Variants in PEX1 observed in about 807,000 individuals in gnomAD.
PEX1 encodes the protein peroxisomal biogenesis factor 1, also known as peroxisomal ATPase PEX1.
PEX1 carries 97 observed loss-of-function variants against 152.5 expected under a neutral mutation model. That is an observed-to-expected ratio of 0.64 (90% CI 0.54 to 0.75). The LOEUF (loss-of-function observed/expected upper bound fraction) is 0.75, where lower values mean the gene tolerates loss of function less well. Among genes scored for constraint, PEX1 ranks in the 30% least tolerant of loss-of-function variants. PEX1 has a pLI of 0.00. For missense variants in PEX1, 1,357 were observed against 1,516.3 expected (o/e 0.89, Z 1.74); for synonymous variants, 485 against 531.6 (o/e 0.91, Z 1.21).
intron 15 of PEX1, among the ~76,000 whole-genome samples, chr7:92,500,834 G>A (rs1471874580): frequency 1.3e-5 from 2 of 152,044 alleles, no homozygotes; most frequent in African/African-American, 4.8e-5. Flanking sequence ...CCTTTATCCT[G>A]CTATCTGCCT....
rs1218585650 is a variant in PEX1, at chr7:92,513,982, TAAAC to T, written c.1240-19_1240-16del. 3.4e-6 allele frequency: 5 copies of T among 1,451,622 alleles called. No individual in the cohort carries two copies. The highest frequency in any genetic ancestry group is 1.7e-5 in the Admixed American group (1 of 58,624). 89.9% of individuals were successfully genotyped at this position (1,451,622 alleles called of 1,614,324 possible). ...TCATCTGGAATCTGAAATTTAAAAATAAACAAAAATATAAATATATTCAAAGCTT... is the reference window on the plus strand; with the variant it reads ...TCATCTGGAATCTGAAATTTAAAAATAAAAATATAAATATATTCAAAGCTT... On this transcript the variant is annotated splice_polypyrimidine_tract_variant and intron_variant, in intron 5 of 23. Coordinates refer to ENST00000248633, the MANE Select transcript of PEX1 (RefSeq NM_000466.3).
At chr7:92,513,401 A>G (rs976903703) in intron 6 of PEX1, among the ~76,000 whole-genome samples, 13 of 152,108 alleles carry the variant, frequency 8.5e-5, no homozygotes, top group Non-Finnish European at 4.4e-5. Flanking sequence ...TCTGATACAT[A>G]CAACACAGAT....
rs1792847652 is a variant in PEX1, at chr7:92,517,482, G to C, written c.1033C>G (p.Gln345Glu). ...AACACATTTTGTTTTGTTTTACTTT[G>C]CTGTTGCTTTGGAGAAAGTAGCTTA... The part of the protein sequence containing the change: ...LVKLLSPKQQ[Q>E]SKTKQNVLSP... The change falls in exon 5 of 24, where the codon CAA (glutamine) becomes GAA (glutamate). Residue 345 changes from glutamine (Q) to glutamate (E), a missense_variant. Physicochemically the swap from Gln to Glu is conservative, Grantham distance 29. Coordinates refer to ENST00000248633, the MANE Select transcript of PEX1 (RefSeq NM_000466.3). The C allele has an allele frequency of 6.2e-7, 1 of 1,613,460 alleles. No homozygotes were observed. Among genetic ancestry groups the C allele is most frequent in the Non-Finnish European group, 8.5e-7 (1 of 1,179,912 alleles).
chr7:92,517,383 CT>C lies in PEX1; in HGVS notation c.1131del (p.Asp378MetfsTer9), dbSNP rs886043479. 6.2e-7 allele frequency: 1 copy of C among 1,613,724 alleles called. No individual in the cohort carries two copies. Among genetic ancestry groups the C allele is most frequent in the African/African-American group, 1.3e-5 (1 of 74,866 alleles). On this transcript the variant is annotated frameshift_variant, in exon 5 of 24. Transcript: ENST00000248633. LOFTEE classifies it high-confidence loss of function. The part of the protein sequence containing the change: ...QKKIRSDHNE[E>X]DEKACVLQVV... ...ACTTGTAGCACACAGGCCTTCTCAT[CT>C]TCTTCATTATGATCTGACCTAATTT... is the stretch of plus-strand genomic sequence containing the variant.
chr7:92,498,700 A>G (rs1460031356), intron 16 of PEX1, among the ~76,000 whole-genome samples: 2 of 152,162 alleles, frequency 1.3e-5, no homozygotes, highest in Non-Finnish European at 1.5e-5. Context: ...AGCATTACCC[A>G]AAATGATCTG....
Position 92,518,161 on chromosome 7 carries a change from G to C in PEX1, c.452C>G (p.Thr151Arg), listed in dbSNP as rs202057710. 7 of 1,611,050 alleles carry C rather than the reference G, an allele frequency of 4.3e-6. No individual in the cohort carries two copies. In the East Asian group the frequency reaches 1.6e-4, roughly 36 times the overall value. The change falls in exon 4 of 24, where the codon ACG (threonine) becomes AGG (arginine). Residue 151 changes from threonine (T) to arginine (R), a missense_variant. Transcript: ENST00000248633. The part of the protein sequence containing the change: ...AIFPVWVDQQ[T>R]YIFIQIVALI... The stretch of plus-strand genomic sequence containing the variant: ...CCTACCAATTTGGATAAATATGTAC[G>C]TTTGTTGATCAACCCAAACAGGAAA...
At chr7:92,520,365 T>G (rs1208015134) in intron 2 of PEX1, among the ~76,000 whole-genome samples, 2 of 152,218 alleles carry the variant, frequency 1.3e-5, no homozygotes, top group African/African-American at 4.8e-5. Flanking sequence ...ATTTAGAGTA[T>G]GCAAGGGACT....
rs1476014977 is a variant in PEX1 at position 92,501,929 on chromosome 7, G to A, written c.2377C>T (p.His793Tyr). Residue 793 changes from histidine (H) to tyrosine (Y), a missense_variant, in exon 14 of 24, where the codon CAT becomes TAT. Coordinates refer to ENST00000248633, the MANE Select transcript of PEX1 (RefSeq NM_000466.3). ...DFTVLVDRAIHSRLSRQSIST... is the reference protein window; with the variant it reads ...DFTVLVDRAIYSRLSRQSIST... ...ATACTCTGACGAGAGAGTCGAGAAT[G>A]TATGGCTCGATCCACAAGTACTGTA... is the stretch of plus-strand genomic sequence containing the variant. The A allele has an allele frequency of 3.7e-6, 6 of 1,613,984 alleles. No individual in the cohort carries two copies. The highest frequency in any genetic ancestry group is 5.1e-6 in the Non-Finnish European group (6 of 1,179,888).
chr7:92,491,595 T>G (rs574918111), intron 20 of PEX1, 93 bp from the exon 21 acceptor site: 29 of 765,506 alleles, frequency 3.8e-5, no homozygotes, highest in Non-Finnish European at 6.5e-5. Context: ...ATTAGAGCAA[T>G]ACAAGAAACT....
At chr7:92,505,879 C>T (rs1792165114) in intron 11 of PEX1, among the ~76,000 whole-genome samples, 1 of 152,168 alleles carries the variant, frequency 6.6e-6, no homozygotes, top group Admixed American at 6.5e-5. Flanking sequence ...TTGCTGTCCA[C>T]AGCCTCCTAC....
chr7:92,501,741 T>A (rs1245605690), intron 14 of PEX1, 68 bp from the exon 15 acceptor site: 6 of 1,426,268 alleles, frequency 4.2e-6, no homozygotes, highest in Non-Finnish European at 5.9e-6. Flanking sequence ...AAATATGCCA[T>A]CATCTTAGCT....
At chr7:92,522,737 A>G (rs1793106182) in intron 1 of PEX1, among the ~76,000 whole-genome samples, 1 of 152,224 alleles carries the variant, frequency 6.6e-6, no homozygotes, top group Non-Finnish European at 1.5e-5. Context: ...AACACATATC[A>G]TCTTTAAAAA....
chr7:92,490,072 C>CA, intron 21 of PEX1, 161 bp from the exon 22 acceptor site: 1 of 672,660 alleles, frequency 1.5e-6, no homozygotes, highest in Non-Finnish European at 2.6e-6. Context: ...AAAAGTTGTT[C>CA]ATCTTTTATA....
chr7:92,516,095 G>GAAAAGAAAAGAA (rs1392974086), intron 5 of PEX1, among the ~76,000 whole-genome samples: 1 of 151,504 alleles, frequency 6.6e-6, no homozygotes, highest in African/African-American at 2.4e-5. Context: ...GAAAAGAAAA[G>GAAAAGAAAAGAA]AAAAGAAAAG....
At position 92,494,370 on chromosome 7, in the gene PEX1, G is replaced by A. The variant is rs371988432; in HGVS notation, c.2953C>T (p.Arg985Cys). The A allele has an allele frequency of 2.5e-5, 40 of 1,613,750 alleles. No individual in the cohort carries two copies. The highest frequency in any genetic ancestry group is 9.3e-5 in the African/African-American group (7 of 74,888). The change falls in exon 19 of 24, where the codon CGC (arginine) becomes TGC (cysteine). Residue 985 changes from arginine (R) to cysteine (C), a missense_variant. By Grantham distance (180) the Arg-to-Cys change is radical. Transcript: ENST00000248633. Reference sequence around the variant, plus strand: ...AGGGCAGGGTCAATCAAGTCAGGGCGACTAGTAGCAGCCAATACATAAACA... The same window carrying A: ...AGGGCAGGGTCAATCAAGTCAGGGCAACTAGTAGCAGCCAATACATAAACA... ...QGVYVLAATS[R>C]PDLIDPALLR...
chr7:92,523,022 T>C (rs922123898), intron 1 of PEX1, among the ~76,000 whole-genome samples: 13 of 152,158 alleles, frequency 8.5e-5, no homozygotes, highest in African/African-American at 2.9e-4. Context: ...AAATATAACA[T>C]TTATTCTCAT....
chr7:92,528,439 C>T lies in PEX1; in HGVS notation c.-4G>A, dbSNP rs1470851985. ...CCAGGCGATCGCTGCCCCACATCGT[C>T]CCGGAGCGTCGCTCTGGGTTCGCCC... On this transcript the variant is annotated 5_prime_UTR_variant, in exon 1 of 24. Transcript: ENST00000248633. The T allele has an allele frequency of 1.9e-6, 3 of 1,581,954 alleles. No individual in the cohort carries two copies. Among genetic ancestry groups the T allele is most frequent in the Non-Finnish European group, 2.6e-6 (3 of 1,165,798 alleles).
rs368014758 is a variant in PEX1, at chr7:92,489,840, C to T, written c.3510G>A (p.Leu1170=). 3.1e-6 allele frequency: 5 copies of T among 1,613,912 alleles called. No individual in the cohort carries two copies. The African/African-American group carries it at 5.3e-5, about 17-fold the overall frequency. The part of the protein sequence containing the change: ...DLPGVPGKDQ[L]FSQPPVLRTA... ...TCCTTAACACTGGAGGCTGTGAAAA[C>T]AACTGGTCTTTCCCAGGAACTCCAG... is the stretch of plus-strand genomic sequence containing the variant. Residue 1170 remains leucine (L), a synonymous_variant, in exon 22 of 24, where the codon TTG becomes TTA. Coordinates refer to ENST00000248633, the MANE Select transcript of PEX1 (RefSeq NM_000466.3).
Position 92,489,316 on chromosome 7 carries a change from A to G in PEX1, c.3744T>C (p.Asp1248=), listed in dbSNP as rs769844398. 9 of 1,613,584 alleles carry G rather than the reference A, an allele frequency of 5.6e-6. No homozygotes were observed. The South Asian group carries it at 6.6e-5, about 12-fold the overall frequency. ...LGHTRPSISE[D]DWKNFAELYE... is the part of the protein sequence containing the mutation. Reference sequence around the variant, plus strand: ...ACAGCTCAGCAAAATTCTTCCAGTCATCTTCACTAATGGATGGTCTTGTGT... The same window carrying G: ...ACAGCTCAGCAAAATTCTTCCAGTCGTCTTCACTAATGGATGGTCTTGTGT... The change falls in exon 23 of 24, where the codon GAT becomes GAC. Residue 1248 remains aspartate, a synonymous_variant. Coordinates refer to ENST00000248633, the MANE Select transcript of PEX1 (RefSeq NM_000466.3).
Sources: allele counts gnomAD v4.1 joint callset (sites outside exome capture counted in the v4.1 genomes callset), GRCh38; gene constraint gnomAD v4.1.1; transcripts MANE v1.5; gene names NCBI Gene and HGNC (gene_info 2026-07-23, HGNC 2026-07-21).